Variants in SP110 observed in about 807,000 individuals in gnomAD.
SP110 encodes the protein interferon-induced protein 41, 30kD.
SP110 carries 62 observed loss-of-function variants against 92.7 expected under a neutral mutation model. That is an observed-to-expected ratio of 0.67 (90% CI 0.55 to 0.83). The LOEUF is 0.83. Ranked by LOEUF, SP110 falls within the 40% of genes least tolerant of loss-of-function variation. SP110 has a pLI of 0.00. For missense variants in SP110, 793 were observed against 863.9 expected (o/e 0.92, Z 1.03); for synonymous variants, 273 against 305.3 (o/e 0.89, Z 1.10).
At chr2:230,191,383 C>G (rs1318710213) in intron 10 of SP110, among the ~76,000 whole-genome samples, 1 of 151,702 alleles carries the variant, frequency 6.6e-6, no homozygotes, top group African/African-American at 2.4e-5. Context: ...CAAAATAGAT[C>G]ACTAGCCATA....
chr2:230,183,398 G>A (rs943209771), intron 12 of SP110, among the ~76,000 whole-genome samples, 174 bp downstream of exon 12: 1 of 152,182 alleles, frequency 6.6e-6, no homozygotes, highest in African/African-American at 2.4e-5. Flanking sequence ...TGCACAAGGG[G>A]GTGGGTTAGG....
upstream of SP110, among the ~76,000 whole-genome samples, chr2:230,223,058 G>A (rs1553546258): frequency 7.0e-6 from 1 of 143,174 alleles, no homozygotes; most frequent in Non-Finnish European, 1.5e-5. Flanking sequence ...TTTTTTTTGA[G>A]ACAGAGTCAC....
intron 10 of SP110, among the ~76,000 whole-genome samples, chr2:230,186,984 A>C (rs1201731196): frequency 2.0e-5 from 3 of 152,112 alleles, no homozygotes; most frequent in African/African-American, 7.2e-5. Flanking sequence ...TGTCTTCTTG[A>C]TATAATGACT....
chr2:230,212,393 T>A lies in SP110; in HGVS notation c.621A>T (p.Glu207Asp). 6.2e-7 allele frequency: 1 copy of A among 1,613,594 alleles called. No homozygotes were observed. Among genetic ancestry groups the A allele is most frequent in the Non-Finnish European group, 8.5e-7 (1 of 1,179,430 alleles). The change falls in exon 5 of 19, where the codon GAA becomes GAT. Residue 207 changes from glutamate (E) to aspartate (D), a missense_variant. Physicochemically the swap from Glu to Asp is conservative, Grantham distance 45. Coordinates refer to ENST00000258381, the MANE Select transcript of SP110 (RefSeq NM_080424.4). The part of the protein sequence containing the change: ...NDKLTSKMNA[E>D]EDSEEMPSLL... ...GGCTGGGCATCTCTTCTGAGTCTTC[T>A]TCCGCATTCATTTTGGATGTTAACT...
At chr2:230,215,311 T>A (rs1574779991) in intron 2 of SP110, among the ~76,000 whole-genome samples, 193 bp from the exon 3 acceptor site, 1 of 152,202 alleles carries the variant, frequency 6.6e-6, no homozygotes, top group Non-Finnish European at 1.5e-5. Context: ...TTTACACATA[T>A]TTGGATGACT....
intron 1 of SP110, among the ~76,000 whole-genome samples, chr2:230,218,400 T>C (rs2045463654): frequency 6.6e-6 from 1 of 152,090 alleles, no homozygotes. Flanking sequence ...AAGATGCCAT[T>C]GAGAGTCTGT....
rs946029837 is a variant in SP110 at position 230,211,516 on chromosome 2, T to C, written c.705A>G (p.Lys235=). ...AGTGGGGCATCTCTTGAGGGTCTTCTTTATCTCTTATTTGGGGGATCAGGT... is the reference window on the plus strand; with the variant it reads ...AGTGGGGCATCTCTTGAGGGTCTTCCTTATCTCTTATTTGGGGGATCAGGT... The part of the protein sequence containing the change: ...SDNLIPQIRD[K]EDPQEMPHSP... Residue 235 remains lysine (K), a synonymous_variant, in exon 6 of 19, where the codon AAA becomes AAG. Transcript: ENST00000258381. This position sits in a 1 kb window ranked among gnomAD's most constrained non-coding sequence, Gnocchi z 4.2. 1 of 1,612,356 alleles carries C rather than the reference T, an allele frequency of 6.2e-7. No homozygotes were observed. The highest frequency in any genetic ancestry group is 1.7e-5 in the Admixed American group (1 of 60,018).
chr2:230,214,874 A>G, intron 3 of SP110, 76 bp downstream of exon 3: 1 of 1,260,272 alleles, frequency 7.9e-7, no homozygotes, highest in South Asian at 1.2e-5. Context: ...TGCATATTCC[A>G]CAGGGCTAGA....
intron 18 of SP110, 25 bp from the exon 19 acceptor site, chr2:230,169,262 C>T (rs199782462): frequency 1.6e-6 from 2 of 1,286,058 alleles, no homozygotes; most frequent in Non-Finnish European, 2.3e-6. Context: ...AGCAAACAAA[C>T]ACATTGAAGG....
In SP110 at chr2:230,190,966, G is replaced by A. The variant is rs190623853; in HGVS notation, c.1130-4823C>T. Among the ~76,000 whole-genome samples the A allele has an allele frequency of 2.6e-3, 401 of 152,260 alleles. 2 individuals carry two copies. Among genetic ancestry groups the A allele is most frequent in the African/African-American group, 8.6e-3 (359 of 41,540 alleles). On this transcript the variant is annotated intron_variant, in intron 10 of 18. Transcript: ENST00000258381. ...CTGTTTTGGTTACTGTAGCCTTGTC[G>A]TATTGTTCAAAGTCAGGTAGTGGGA...
chr2:230,175,376 A>G (rs982160807), intron 14 of SP110, among the ~76,000 whole-genome samples: 1 of 139,386 alleles, frequency 7.2e-6, no homozygotes, highest in South Asian at 2.3e-4. Context: ...AATATTCTAT[A>G]AGAAAAGTTT....
chr2:230,197,188 A>G (rs2042917222), intron 10 of SP110, among the ~76,000 whole-genome samples: 4 of 151,682 alleles, frequency 2.6e-5, no homozygotes, highest in Admixed American at 2.6e-4. Flanking sequence ...ATTTCTCCAC[A>G]TCCTCTCCAG....
At chr2:230,202,749 T>C (rs199792220) in intron 8 of SP110, 21 bp from the exon 9 acceptor site, 375 of 1,613,830 alleles carry the variant, frequency 2.3e-4, no homozygotes, top group Non-Finnish European at 3.0e-4. Flanking sequence ...TAATGACTTG[T>C]TAATAGTTTA....
chr2:230,213,055 G>C, intron 3 of SP110, 28 bp from the exon 4 acceptor site: 2 of 1,611,382 alleles, frequency 1.2e-6, no homozygotes, highest in Non-Finnish European at 1.7e-6. Flanking sequence ...ACACACATCA[G>C]TACCCTGGAG....
At chr2:230,202,755 G>A in intron 8 of SP110, 27 bp from the exon 9 acceptor site, 1 of 1,613,536 alleles carries the variant, frequency 6.2e-7, no homozygotes, top group Non-Finnish European at 8.5e-7. Flanking sequence ...CTTGTTAATA[G>A]TTTAAATTGG....
chr2:230,185,334 G>A (rs1468809102), intron 11 of SP110, among the ~76,000 whole-genome samples: 1 of 152,164 alleles, frequency 6.6e-6, no homozygotes, highest in African/African-American at 2.4e-5. Context: ...AGGAGGTGGG[G>A]CACTGGAACA....
intron 7 of SP110, among the ~76,000 whole-genome samples, 183 bp from the exon 8 acceptor site, chr2:230,208,242 G>A (rs1050834916): frequency 1.3e-5 from 2 of 152,180 alleles, no homozygotes; most frequent in Admixed American, 1.3e-4. Context: ...AGAGGAAAAG[G>A]AGAAACGAAG....
intron 7 of SP110, among the ~76,000 whole-genome samples, chr2:230,208,597 CTGAT>C (rs1314015166): frequency 6.6e-6 from 1 of 152,068 alleles, no homozygotes; most frequent in Non-Finnish European, 1.5e-5. Flanking sequence ...GGGAAAGTCA[CTGAT>C]TGAGCAAAAA....
At chr2:230,213,730 T>C (rs2044756333) in intron 3 of SP110, 2 of 152,686 alleles carry the variant, frequency 1.3e-5, no homozygotes, top group South Asian at 4.1e-4. Context: ...AACAAAATCA[T>C]CAGGTTGAAG....
Sources: allele counts gnomAD v4.1 joint callset (sites outside exome capture counted in the v4.1 genomes callset), GRCh38; gene constraint gnomAD v4.1.1; non-coding constraint Gnocchi (gnomAD v3.1); transcripts MANE v1.5; gene names NCBI Gene and HGNC (gene_info 2026-07-23, HGNC 2026-07-21).